Variants in ADARB2 observed in about 807,000 individuals in gnomAD.
ADARB2 encodes the protein inactive double-stranded RNA-specific editase B2.
ADARB2 carries 25 observed loss-of-function variants against 62.2 expected under a neutral mutation model. The observed-to-expected ratio is 0.40, with a 90% CI of 0.29 to 0.56. ADARB2 has a LOEUF of 0.56. Among genes scored for constraint, ADARB2 ranks in the 20% least tolerant of loss-of-function variants. The pLI is 0.43. For synonymous variants in ADARB2, 572 were observed against 500.8 expected, an observed-to-expected ratio of 1.14 and a Z score of -1.90; for missense variants, 1,071 against 1,077.4, an observed-to-expected ratio of 0.99 and a Z score of 0.08.
chr10:1,688,140 G>A (rs73591024), intron 1 of ADARB2, among the ~76,000 whole-genome samples: 2,714 of 152,362 alleles, frequency 0.018, 62 homozygotes, highest in African/African-American at 0.055. Context: ...TCACTGTGCT[G>A]ATTCGTATTT....
intron 1 of ADARB2, among the ~76,000 whole-genome samples, chr10:1,500,009 G>A (rs17221736): frequency 0.16 from 25,085 of 152,200 alleles, 2,362 homozygotes; most frequent in Middle Eastern, 0.23. Flanking sequence ...CTATAAAATG[G>A]TAGCCCACAG....
chr10:1,357,278 C>A (rs1295358684), intron 3 of ADARB2, among the ~76,000 whole-genome samples: 2 of 152,130 alleles, frequency 1.3e-5, no homozygotes, highest in African/African-American at 4.8e-5. Flanking sequence ...CAGGAAAAGA[C>A]CCAAAAATCG....
chr10:1,678,136 A>G, intron 1 of ADARB2: 1 of 985,158 alleles, frequency 1.0e-6, no homozygotes. Context: ...GTGAGTGCAG[A>G]TGGCAGGGGC....
At chr10:1,299,836 G>A (rs566425506) in intron 3 of ADARB2, among the ~76,000 whole-genome samples, 10 of 152,320 alleles carry the variant, frequency 6.6e-5, no homozygotes, top group East Asian at 1.9e-4. Flanking sequence ...CTGTGCTTCC[G>A]GAGGCCATGC....
At chr10:1,513,756 G>A (rs12265577) in intron 1 of ADARB2, among the ~76,000 whole-genome samples, 3,246 of 152,200 alleles carry the variant, frequency 0.021, 111 homozygotes, top group African/African-American at 0.071. Flanking sequence ...GCTCTGGGCC[G>A]GTAGAGTTGG....
rs1405812028 is a variant in ADARB2 at position 1,332,886 on chromosome 10, G to A, written c.1077+30142C>T. Among the ~76,000 whole-genome samples the A allele has an allele frequency of 1.1e-4, 16 of 152,300 alleles. No individual in the cohort carries two copies. In the South Asian group the frequency reaches 1.2e-3, roughly 12 times the overall value. On this transcript the variant is annotated intron_variant, in intron 3 of 9. Coordinates refer to ENST00000381312, the MANE Select transcript of ADARB2 (RefSeq NM_018702.4). ...TGATTACATTGGAAGCAGAGTTACC[G>A]TTTTCCCTCTCTCTAGATTTTGAGT... is the stretch of plus-strand genomic sequence containing the variant.
chr10:1,461,235 T>C (rs1174328674), intron 1 of ADARB2, among the ~76,000 whole-genome samples: 3 of 152,318 alleles, frequency 2.0e-5, no homozygotes, highest in East Asian at 1.9e-4. Context: ...ATTATTTCTG[T>C]GTCAGAGTCA....
chr10:1,538,841 A>C (rs1053353923), intron 1 of ADARB2, among the ~76,000 whole-genome samples: 3 of 152,202 alleles, frequency 2.0e-5, no homozygotes, highest in Non-Finnish European at 4.4e-5. Context: ...CATGCAGTGG[A>C]CACTCAGTTC....
chr10:1,657,525 C>T (rs1381402315), intron 1 of ADARB2, among the ~76,000 whole-genome samples: 1 of 152,214 alleles, frequency 6.6e-6, no homozygotes, highest in African/African-American at 2.4e-5. Flanking sequence ...ATAATGCACT[C>T]ACCATCTCTC....
At chr10:1,247,776 A>C (rs1285995781) in intron 4 of ADARB2, among the ~76,000 whole-genome samples, 1 of 152,240 alleles carries the variant, frequency 6.6e-6, no homozygotes, top group African/African-American at 2.4e-5. Context: ...TGGCGGGACC[A>C]CAGGCAGGTC....
At chr10:1,461,624 T>G (rs984376879) in intron 1 of ADARB2, among the ~76,000 whole-genome samples, 2 of 152,184 alleles carry the variant, frequency 1.3e-5, no homozygotes, top group African/African-American at 2.4e-5. Context: ...AGACCTTACA[T>G]GATTGTCCCA....
chr10:1,184,544 C>T (rs955104161), intron 9 of ADARB2, among the ~76,000 whole-genome samples: 3 of 152,154 alleles, frequency 2.0e-5, no homozygotes, highest in African/African-American at 7.2e-5. Context: ...CTTCAAAAGT[C>T]CCCAGGAGCT....
intron 6 of ADARB2, among the ~76,000 whole-genome samples, chr10:1,230,633 G>A (rs1485252567): frequency 6.6e-6 from 1 of 152,284 alleles, no homozygotes; most frequent in Admixed American, 6.5e-5. Context: ...CAGTTCAAAG[G>A]ATGCAGAGCC....
chr10:1,590,284 C>A (rs1009208589), intron 1 of ADARB2, among the ~76,000 whole-genome samples: 1 of 152,200 alleles, frequency 6.6e-6, no homozygotes, highest in African/African-American at 2.4e-5. Flanking sequence ...CTGGGATCAG[C>A]TATTAATACC....
chr10:1,410,848 C>T (rs192365154), intron 1 of ADARB2, among the ~76,000 whole-genome samples: 2 of 152,284 alleles, frequency 1.3e-5, no homozygotes, highest in African/African-American at 4.8e-5. Flanking sequence ...CTGTGAGTGC[C>T]GCCTGATCAC....
intron 3 of ADARB2, among the ~76,000 whole-genome samples, chr10:1,303,906 G>C (rs1429067574): frequency 6.6e-6 from 1 of 151,850 alleles, no homozygotes; most frequent in Non-Finnish European, 1.5e-5. Flanking sequence ...ACCGGTACCA[G>C]CCACTGCAAA....
intron 1 of ADARB2, among the ~76,000 whole-genome samples, chr10:1,444,276 T>TCCATCCATCCATCCACCATCC (rs1830938268): frequency 8.1e-6 from 1 of 123,180 alleles, no homozygotes; most frequent in African/African-American, 3.0e-5. Context: ...TATTTCCATC[T>TCCATCCATCCATCCACCATCC]ATCTACATCC....
At chr10:1,475,813 A>G (rs1831392140) in intron 1 of ADARB2, among the ~76,000 whole-genome samples, 1 of 152,194 alleles carries the variant, frequency 6.6e-6, no homozygotes, top group Non-Finnish European at 1.5e-5. Context: ...ATGGAGCCTT[A>G]TCTCAGGATG....
At chr10:1,714,287 C>T (rs994778060) in intron 1 of ADARB2, among the ~76,000 whole-genome samples, 1 of 152,204 alleles carries the variant, frequency 6.6e-6, no homozygotes. Flanking sequence ...GTGTGAGTGT[C>T]GCTATCTAGA....
Sources: gnomAD v4.1 joint callset for allele counts (sites outside exome capture counted in the v4.1 genomes callset) on GRCh38, gnomAD v4.1.1 for gene constraint, MANE v1.5 for transcripts, NCBI Gene and HGNC (gene_info 2026-07-23, HGNC 2026-07-21) for gene names.